INSR: variants seen among roughly 807,000 people sequenced by gnomAD.
The protein encoded by INSR is IR.
Under a neutral mutation model 142.6 loss-of-function variants are expected in INSR, and 67 were observed. The ratio of observed to expected loss-of-function variants is 0.47; its 90% CI spans 0.39 to 0.58. INSR has a LOEUF of 0.58. Ranked by LOEUF, INSR falls within the 20% of genes least tolerant of loss-of-function variation. The pLI is 0.00. For missense variants in INSR, 1,248 were observed against 1,833.2 expected, an observed-to-expected ratio of 0.68 and a Z score of 5.83; for synonymous variants, 756 against 743.1, an observed-to-expected ratio of 1.02 and a Z score of -0.28.
intron 9 of INSR, among the ~76,000 whole-genome samples, chr19:7,162,691 G>A (rs1007508598): frequency 4.1e-4 from 62 of 150,618 alleles, no homozygotes; most frequent in Middle Eastern, 7.0e-3. Flanking sequence ...GTGGTGGCGC[G>A]TGCCTGTAAT....
chr19:7,243,544 C>T (rs1195776751), intron 2 of INSR, among the ~76,000 whole-genome samples: 1 of 152,086 alleles, frequency 6.6e-6, no homozygotes, highest in Non-Finnish European at 1.5e-5. Context: ...CCGCACCTGG[C>T]CTAAATTTTT....
chr19:7,117,921 T>C (rs575512973), intron 21 of INSR, among the ~76,000 whole-genome samples: 6 of 151,422 alleles, frequency 4.0e-5, no homozygotes, highest in Admixed American at 2.6e-4. Context: ...TTTTTTTTTT[T>C]TGAGACAGGG....
intron 2 of INSR, among the ~76,000 whole-genome samples, chr19:7,185,841 C>CAAAAAAAAAAAAAAAAAAAAAA (rs754262409): frequency 2.2e-5 from 1 of 45,050 alleles, no homozygotes; most frequent in Non-Finnish European, 3.7e-5. Flanking sequence ...AAAATTCTGT[C>CAAAAAAAAAAAAAAAAAAAAAA]AAAAAAAAAA....
Position 7,267,228 on chromosome 19 carries a change from C to T in INSR, c.652+117G>A. 1 of 1,043,336 alleles carries T rather than the reference C, an allele frequency of 9.6e-7. No homozygotes were observed. Among genetic ancestry groups the T allele is most frequent in the Non-Finnish European group, 1.5e-6 (1 of 681,862 alleles). 64.6% of individuals were successfully genotyped at this position (1,043,336 alleles called of 1,614,324 possible). On this transcript the variant is annotated intron_variant, in intron 2 of 21. Transcript: ENST00000302850. The surrounding 1 kb of genome is among the most constrained non-coding windows in gnomAD (Gnocchi z 6.3). Reference sequence around the variant, plus strand: ...CTCCCTGGGCTAGTGAATGCCACCACCCACTATTCCCCGGCCCCTACCTAA... The same window carrying T: ...CTCCCTGGGCTAGTGAATGCCACCATCCACTATTCCCCGGCCCCTACCTAA...
rs377702683 is a variant in INSR at position 7,156,445 on chromosome 19, G to T, written c.2030-3518C>A. Among the ~76,000 whole-genome samples the T allele has an allele frequency of 3.9e-5, 6 of 152,204 alleles. No homozygotes were observed. The South Asian group carries it at 1.0e-3, about 26-fold the overall frequency. On this transcript the variant is annotated intron_variant, in intron 9 of 21. Coordinates refer to ENST00000302850, the MANE Select transcript of INSR (RefSeq NM_000208.4). ...TGGTTCTCACCCAGGGGGTGATTTT[G>T]TCTCCTACTAGGGACATTGGGCAAC...
At position 7,197,516 on chromosome 19, in the gene INSR, G is replaced by GGGTGTGTGTGTGTGTGTGTGTGT. The variant is rs1974790392; in HGVS notation, c.653-12880_653-12879insACACACACACACACACACACACC. Among the ~76,000 whole-genome samples the GGGTGTGTGTGTGTGTGTGTGTGT allele has an allele frequency of 2.5e-4, 18 of 70,856 alleles. 1 individual carries two copies. The highest frequency in any genetic ancestry group is 3.9e-4 in the Non-Finnish European group (14 of 35,640). The allele number at this position is 70,856 out of a possible 152,430, so 46.5% of individuals were successfully genotyped here. A position where few individuals can be genotyped will look rare whatever the true frequency, so the allele number is the denominator to read the frequency against. On this transcript the variant is annotated intron_variant, in intron 2 of 21. Coordinates refer to ENST00000302850, the MANE Select transcript of INSR (RefSeq NM_000208.4). ...TGGCAGGTTCCAGAGTGGGAGTGGGGGTGTGTGTGTGTGTGTGTGTGTGTG... is the reference window on the plus strand; with the variant it reads ...TGGCAGGTTCCAGAGTGGGAGTGGGGGGTGTGTGTGTGTGTGTGTGTGTGTGTGTGTGTGTGTGTGTGTGTGTG...
rs139554171 is a variant in INSR, at chr19:7,205,096, A to G, written c.653-20459T>C. 3.7e-3 allele frequency among the ~76,000 whole-genome samples: 564 copies of G among 152,326 alleles called. 12 individuals are homozygous for G. The highest frequency in any genetic ancestry group is 0.032 in the Admixed American group (484 of 15,284). On this transcript the variant is annotated intron_variant, in intron 2 of 21. Coordinates refer to ENST00000302850, the MANE Select transcript of INSR (RefSeq NM_000208.4). ...TGAAACTTCATCTCAAAAAAAGTTTACTAGGCAGCAAAACACCTCCTGTTG... is the reference window on the plus strand; with the variant it reads ...TGAAACTTCATCTCAAAAAAAGTTTGCTAGGCAGCAAAACACCTCCTGTTG...
chr19:7,134,848 A>T (rs892839213), intron 13 of INSR, among the ~76,000 whole-genome samples: 16 of 152,064 alleles, frequency 1.1e-4, no homozygotes, highest in African/African-American at 3.9e-4. Flanking sequence ...AACAGTTGGG[A>T]TCCACCCAAA....
At position 7,250,294 on chromosome 19, in the gene INSR, A is replaced by G. The variant is rs1013305372; in HGVS notation, c.652+17051T>C. Among the ~76,000 whole-genome samples the G allele has an allele frequency of 5.3e-5, 7 of 132,924 alleles. No homozygotes were observed. The Admixed American group carries it at 5.5e-4, about 10-fold the overall frequency. 87.2% of individuals were successfully genotyped at this position (132,924 alleles called of 152,430 possible). On this transcript the variant is annotated intron_variant, in intron 2 of 21. Transcript: ENST00000302850. ...GAGAGGGGAAGGAGGGGAGGAGAAGAAGGGGAGGGGAGGGGAGAAAAATGA... is the reference window on the plus strand; with the variant it reads ...GAGAGGGGAAGGAGGGGAGGAGAAGGAGGGGAGGGGAGGGGAGAAAAATGA...
At chr19:7,189,721 C>T (rs1028532473) in intron 2 of INSR, among the ~76,000 whole-genome samples, 5 of 149,984 alleles carry the variant, frequency 3.3e-5, no homozygotes, top group African/African-American at 7.4e-5. Flanking sequence ...TGAAGTACAG[C>T]GGTGCCATCT....
rs766295952 is a variant in INSR at position 7,267,776 on chromosome 19, C to T, written c.221G>A (p.Arg74Gln). The change falls in exon 2 of 22, where the codon CGA (arginine) becomes CAA (glutamine). Residue 74 changes from arginine (R) to glutamine (Q), a missense_variant. By Grantham distance (43) the Arg-to-Gln change is conservative. Around this residue, in one of 3 missense-constraint regions of INSR, gnomAD observed 1,069 missense variants for 1,654.0 expected, o/e 0.65. Coordinates refer to ENST00000302850, the MANE Select transcript of INSR (RefSeq NM_000208.4). This position sits in a 1 kb window ranked among gnomAD's most constrained non-coding sequence, Gnocchi z 6.3. Reference protein sequence around the residue: ...LMFKTRPEDFRDLSFPKLIMI... With the variant: ...LMFKTRPEDFQDLSFPKLIMI... ...GATGAGTTTGGGGAAACTGAGGTCT[C>T]GGAAATCTTCGGGCCTCGTTTTGAA... is the stretch of plus-strand genomic sequence containing the variant. 1.1e-5 allele frequency: 18 copies of T among 1,614,002 alleles called. No individual in the cohort carries two copies. In the African/African-American group the frequency reaches 1.5e-4, roughly 13 times the overall value.
At chr19:7,269,724 C>T (rs73923325) in intron 1 of INSR, among the ~76,000 whole-genome samples, 297 of 152,112 alleles carry the variant, frequency 2.0e-3, no homozygotes, top group African/African-American at 6.2e-3. Flanking sequence ...CTGTCCCCAT[C>T]CCATAGATGA....
chr19:7,229,923 G>A (rs1157260724), intron 2 of INSR, among the ~76,000 whole-genome samples: 1 of 151,944 alleles, frequency 6.6e-6, no homozygotes, highest in African/African-American at 2.4e-5. Context: ...GTGCCACCAT[G>A]CTCAGCTAAT....
intron 2 of INSR, among the ~76,000 whole-genome samples, chr19:7,186,754 G>C (rs979654077): frequency 2.0e-5 from 3 of 151,678 alleles, no homozygotes; most frequent in African/African-American, 7.3e-5. Flanking sequence ...GCCCAGGCTG[G>C]GGTGCAGTGG....
rs1413240648 is a variant in INSR, at chr19:7,112,670, G to T, written c.*4386C>A. ...ATCTGGTTTTTAACAAGGATTTTCA[G>T]TGGCCCGCACCCAGATAGAAATTTG... On this transcript the variant is annotated 3_prime_UTR_variant, in exon 22 of 22. Coordinates refer to ENST00000302850, the MANE Select transcript of INSR (RefSeq NM_000208.4). The T allele has an allele frequency of 6.6e-6, 1 of 152,124 alleles. No individual in the cohort carries two copies. Among genetic ancestry groups the T allele is most frequent in the East Asian group, 1.9e-4 (1 of 5,200 alleles). 9.4% of individuals were successfully genotyped at this position (152,124 alleles called of 1,614,324 possible). A position where few individuals can be genotyped will look rare whatever the true frequency, so the allele number is the denominator to read the frequency against.
chr19:7,174,776 G>C (rs759515437), intron 3 of INSR, 45 bp from the exon 4 acceptor site: 1 of 1,585,282 alleles, frequency 6.3e-7, no homozygotes, highest in East Asian at 2.3e-5. Flanking sequence ...GGGGAGGGGG[G>C]TGTCACGGTA....
rs12642 is a variant in INSR, at chr19:7,112,634, C to A, written c.*4422G>T. On this transcript the variant is annotated 3_prime_UTR_variant, in exon 22 of 22. Transcript: ENST00000302850. ...TCCTTCTCCAATGGGACCAAGAGCCCCAGATTTGTGATCTGGTTTTTAACA... is the reference window on the plus strand; with the variant it reads ...TCCTTCTCCAATGGGACCAAGAGCCACAGATTTGTGATCTGGTTTTTAACA... The A allele has an allele frequency of 0.11, 16,647 of 152,132 alleles. 1,131 individuals are homozygous for A. The highest frequency in any genetic ancestry group is 0.19 in the Middle Eastern group (56 of 294). 9.4% of individuals were successfully genotyped at this position (152,132 alleles called of 1,614,324 possible).
chr19:7,135,742 G>A (rs995699540), intron 13 of INSR, among the ~76,000 whole-genome samples: 7 of 151,856 alleles, frequency 4.6e-5, no homozygotes, highest in South Asian at 2.1e-4. Flanking sequence ...AGGCCGAGGC[G>A]GGCAGATCAC....
At chr19:7,132,560 G>C (rs72990436) in intron 13 of INSR, among the ~76,000 whole-genome samples, 1 of 151,928 alleles carries the variant, frequency 6.6e-6, no homozygotes, top group African/African-American at 2.4e-5. Context: ...GCCAGAAGCT[G>C]AGCATTAAAC....
Sources: allele counts gnomAD v4.1 joint callset (sites outside exome capture counted in the v4.1 genomes callset), GRCh38; gene constraint gnomAD v4.1.1; regional missense constraint gnomAD v4.1.1; non-coding constraint Gnocchi (gnomAD v3.1); transcripts MANE v1.5; gene names NCBI Gene and HGNC (gene_info 2026-07-23, HGNC 2026-07-21).